ADGRL3: variants seen among roughly 807,000 people sequenced by gnomAD.
The protein encoded by ADGRL3 is calcium-independent alpha-latrotoxin receptor 3.
In ADGRL3, 62 loss-of-function variants were observed where a neutral mutation model predicts 153.5. The ratio of observed to expected loss-of-function variants is 0.40; its 90% CI spans 0.33 to 0.50. ADGRL3 has a LOEUF of 0.50. ADGRL3 is among the 20% of genes least tolerant of loss of function. The probability of loss-of-function intolerance (pLI) is 0.47; values close to 1 mark genes in which losing one functional copy is unlikely to be tolerated. For synonymous variants in ADGRL3, 710 were observed against 672.5 expected (o/e 1.06, Z -0.86); for missense variants, 1,641 against 1,859.4 (o/e 0.88, Z 2.16).
intron 1 of ADGRL3, among the ~76,000 whole-genome samples, chr4:61,357,202 T>C (rs2096191064): frequency 6.6e-6 from 1 of 152,158 alleles, no homozygotes. Flanking sequence ...ATGAATGTAC[T>C]AAATTAATTG....
At chr4:61,219,182 T>G (rs960582801) in intron 1 of ADGRL3, among the ~76,000 whole-genome samples, 3 of 152,180 alleles carry the variant, frequency 2.0e-5, no homozygotes, top group Admixed American at 6.5e-5. Flanking sequence ...TGTACTCTAA[T>G]TAGATTATAA....
intron 4 of ADGRL3, among the ~76,000 whole-genome samples, chr4:61,540,191 C>A (rs1168764830): frequency 2.0e-5 from 3 of 152,176 alleles, no homozygotes; most frequent in Non-Finnish European, 4.4e-5. Flanking sequence ...CTCAGGGAAT[C>A]TTCCCTCAAA....
Position 61,892,974 on chromosome 4 carries a change from A to G in ADGRL3, c.1783+16A>G. 6.8e-7 allele frequency: 1 copy of G among 1,474,804 alleles called. No individual in the cohort carries two copies. The highest frequency in any genetic ancestry group is 9.0e-7 in the Non-Finnish European group (1 of 1,111,848). The allele number at this position is 1,474,804 out of a possible 1,614,324, so 91.4% of individuals were successfully genotyped here. On this transcript the variant is annotated intron_variant, in intron 10 of 26. Coordinates refer to ENST00000683033, the MANE Select transcript of ADGRL3 (RefSeq NM_001387552.1). ...GGAACTATAGGTAAGTCTGTGCTAAAGCACTAAGTTAAAACTGTTGTGTTG... is the reference window on the plus strand; with the variant it reads ...GGAACTATAGGTAAGTCTGTGCTAAGGCACTAAGTTAAAACTGTTGTGTTG...
intron 4 of ADGRL3, among the ~76,000 whole-genome samples, chr4:61,556,457 G>T (rs2098767594): frequency 6.6e-6 from 1 of 152,074 alleles, no homozygotes; most frequent in Non-Finnish European, 1.5e-5. Context: ...GAGGTGGGAG[G>T]TGTTAGGGCA....
rs1178231583 is a variant in ADGRL3, at chr4:61,587,433, T to A, written c.466T>A (p.Ser156Thr). 3.7e-6 allele frequency: 6 copies of A among 1,608,344 alleles called. No homozygotes were observed. The South Asian group carries it at 6.6e-5, about 18-fold the overall frequency. Reference protein sequence around the residue: ...CYLPDAYKIMSQRCNNRTQCA... With the variant: ...CYLPDAYKIMTQRCNNRTQCA... The stretch of plus-strand genomic sequence containing the variant: ...TCTGCCAGATGCCTATAAGATTATG[T>A]CTCAAAGGTATGATACTTCTAATAT... Residue 156 changes from serine (S) to threonine (T), a missense_variant, in exon 5 of 27, where the codon TCT becomes ACT. Transcript: ENST00000683033.
chr4:61,381,684 A>G (rs2096670671), intron 1 of ADGRL3, among the ~76,000 whole-genome samples: 1 of 152,014 alleles, frequency 6.6e-6, no homozygotes, highest in South Asian at 2.1e-4. Flanking sequence ...GTAGAGAACA[A>G]CCCATGATTG....
intron 9 of ADGRL3, among the ~76,000 whole-genome samples, chr4:61,850,440 G>A (rs2098188149): frequency 6.6e-6 from 1 of 152,068 alleles, no homozygotes; most frequent in Admixed American, 6.6e-5. Context: ...AATAGAATGG[G>A]CTCTGATATC....
At chr4:61,671,268 C>A (rs1292958389) in intron 5 of ADGRL3, among the ~76,000 whole-genome samples, 2 of 152,196 alleles carry the variant, frequency 1.3e-5, no homozygotes, top group Non-Finnish European at 2.9e-5. Context: ...GTCACACTTA[C>A]TTCACTTACA....
intron 5 of ADGRL3, among the ~76,000 whole-genome samples, chr4:61,629,889 C>A (rs2093056314): frequency 6.6e-6 from 1 of 151,636 alleles, no homozygotes; most frequent in Non-Finnish European, 1.5e-5. Flanking sequence ...GAGACTAATT[C>A]TAATCAATTC....
At chr4:61,756,862 C>CCTTTATCTCAATTT (rs1460304418) in intron 8 of ADGRL3, among the ~76,000 whole-genome samples, 2 of 152,124 alleles carry the variant, frequency 1.3e-5, no homozygotes, top group Non-Finnish European at 2.9e-5. Context: ...GCCTTTTCTG[C>CCTTTATCTCAATTT]ATCTATTGAG....
intron 13 of ADGRL3, among the ~76,000 whole-genome samples, chr4:61,928,426 A>G (rs1292878743): frequency 6.6e-6 from 1 of 152,088 alleles, no homozygotes; most frequent in South Asian, 2.1e-4. Flanking sequence ...AGAGTCTATT[A>G]CTTTTGTACT....
At chr4:61,629,471 C>T (rs1245902487) in intron 5 of ADGRL3, among the ~76,000 whole-genome samples, 1 of 151,712 alleles carries the variant, frequency 6.6e-6, no homozygotes, top group African/African-American at 2.4e-5. Context: ...GTAATCCCAG[C>T]ACTATGGGAG....
chr4:61,206,985 AAAAT>A (rs575017393), intron 1 of ADGRL3, among the ~76,000 whole-genome samples: 5 of 150,920 alleles, frequency 3.3e-5, no homozygotes, highest in African/African-American at 7.4e-5. Context: ...TGTGTCTCAA[AAAAT>A]AAATAAATAA....
chr4:62,018,981 A>G (rs541459716), intron 21 of ADGRL3, among the ~76,000 whole-genome samples: 4 of 152,202 alleles, frequency 2.6e-5, no homozygotes, highest in Admixed American at 2.6e-4. Context: ...GGGCATATGT[A>G]CAATTTAACA....
chr4:61,641,122 T>C (rs1012001055), intron 5 of ADGRL3, among the ~76,000 whole-genome samples: 2 of 152,136 alleles, frequency 1.3e-5, no homozygotes, highest in African/African-American at 4.8e-5. Flanking sequence ...TAACCTTATT[T>C]CACCTATTTT....
In ADGRL3 at chr4:62,029,059, G is replaced by C. The variant is rs185789943; in HGVS notation, c.3422+178G>C. 1.6e-3 allele frequency among the ~76,000 whole-genome samples: 244 copies of C among 151,778 alleles called. No homozygotes were observed. In the Middle Eastern group the frequency reaches 0.02, roughly 13 times the overall value. On this transcript the variant is annotated intron_variant, in intron 22 of 26. Transcript: ENST00000683033. ...TATATGCAGAATAAATATGCTGCAGGTGTATTGCCAAAAAAAAATTCTGCT... is the reference window on the plus strand; with the variant it reads ...TATATGCAGAATAAATATGCTGCAGCTGTATTGCCAAAAAAAAATTCTGCT...
chr4:61,904,968 C>T (rs904941677), intron 11 of ADGRL3, among the ~76,000 whole-genome samples: 8 of 151,782 alleles, frequency 5.3e-5, no homozygotes, highest in African/African-American at 1.2e-4. Context: ...GTAACAAAGA[C>T]GGAGAAGGAA....
In ADGRL3 at chr4:61,775,724, C is replaced by G. The variant is rs770733545; in HGVS notation, c.1400-38085C>G. ...ACACAAAGGTGGGCTTGGTGCTTGT[C>G]TAAGCCTTTGGTAGCTTCATGAATT... On this transcript the variant is annotated intron_variant, in intron 8 of 26. Coordinates refer to ENST00000683033, the MANE Select transcript of ADGRL3 (RefSeq NM_001387552.1). 381 of 1,138,582 alleles carry G rather than the reference C, an allele frequency of 3.3e-4. 1 individual carries two copies. The highest frequency in any genetic ancestry group is 4.7e-4 in the Non-Finnish European group (356 of 755,438). 70.5% of individuals were successfully genotyped at this position (1,138,582 alleles called of 1,614,324 possible). A position where few individuals can be genotyped will look rare whatever the true frequency, so the allele number is the denominator to read the frequency against.
intron 5 of ADGRL3, among the ~76,000 whole-genome samples, chr4:61,669,210 A>T (rs760660726): frequency 2.0e-5 from 3 of 152,124 alleles, no homozygotes; most frequent in Non-Finnish European, 2.9e-5. Context: ...ATAGCCATTT[A>T]GTCTCTTTTT....
Sources: gnomAD v4.1 joint callset for allele counts (sites outside exome capture counted in the v4.1 genomes callset) on GRCh38, gnomAD v4.1.1 for gene constraint, MANE v1.5 for transcripts, NCBI Gene and HGNC (gene_info 2026-07-23, HGNC 2026-07-21) for gene names.